Variants in EPS15 observed in about 807,000 individuals in gnomAD.
EPS15 encodes the protein epidermal growth factor receptor substrate 15.
Under a neutral mutation model 113.8 loss-of-function variants are expected in EPS15, and 72 were observed. The ratio of observed to expected loss-of-function variants is 0.63; its 90% CI spans 0.52 to 0.77. The LOEUF is 0.77. Among genes scored for constraint, EPS15 ranks in the 30% least tolerant of loss-of-function variants. The pLI is 0.00. For missense variants in EPS15, 1,048 were observed against 1,045.8 expected (o/e 1.00, Z -0.03); for synonymous variants, 344 against 363.4 (o/e 0.95, Z 0.61).
chr1:51,508,298 G>A lies in EPS15; in HGVS notation c.33+10901C>T, dbSNP rs59392239. Among the ~76,000 whole-genome samples the A allele has an allele frequency of 7.5e-3, 918 of 122,138 alleles. 18 individuals are homozygous for A. The highest frequency in any genetic ancestry group is 0.029 in the African/African-American group (832 of 28,784). The allele number at this position is 122,138 out of a possible 152,430, so 80.1% of individuals were successfully genotyped here. On this transcript the variant is annotated intron_variant, in intron 1 of 24. Transcript: ENST00000371733. ...AAAGAGAGAAAGAGAGAAAGAGAGA[G>A]AGAGAAAGAGAGAAAGAGAGAAAGA...
At chr1:51,518,945 G>T (rs1257745906) in intron 1 of EPS15, among the ~76,000 whole-genome samples, 4 of 151,394 alleles carry the variant, frequency 2.6e-5, no homozygotes, top group Non-Finnish European at 5.9e-5. Context: ...CGCGGAGGGC[G>T]GCGAGGGCCG....
intron 1 of EPS15, among the ~76,000 whole-genome samples, chr1:51,508,284 GAGAGAA>G (rs1644545403): frequency 1.4e-5 from 2 of 142,534 alleles, no homozygotes; most frequent in Non-Finnish European, 3.0e-5. Context: ...AAGAGAGAAA[GAGAGAA>G]AGAGAGAGAG....
chr1:51,431,236 TCTTA>T (rs1294698972), intron 12 of EPS15, among the ~76,000 whole-genome samples: 23 of 152,270 alleles, frequency 1.5e-4, no homozygotes, highest in Admixed American at 1.3e-3. Context: ...TAACTAATGT[TCTTA>T]CTTAGTTCTG....
intron 1 of EPS15, among the ~76,000 whole-genome samples, chr1:51,483,186 T>G (rs1432822969): frequency 6.6e-6 from 1 of 152,140 alleles, no homozygotes; most frequent in East Asian, 1.9e-4. Context: ...GTTATCAGGC[T>G]GACAGATCAC....
intron 2 of EPS15, among the ~76,000 whole-genome samples, chr1:51,478,801 G>A (rs1051396713): frequency 2.0e-5 from 3 of 152,166 alleles, no homozygotes; most frequent in Non-Finnish European, 4.4e-5. Flanking sequence ...TCTTCTGGCT[G>A]GTAGAGTTTC....
rs200731991 is a variant in EPS15 at position 51,493,528 on chromosome 1, T to TTAAATAAA, written c.34-12222_34-12215dup. Among the ~76,000 whole-genome samples, 768 of 133,428 alleles carry TTAAATAAA rather than the reference T, an allele frequency of 5.8e-3. 4 individuals are homozygous for TTAAATAAA. The highest frequency in any genetic ancestry group is 0.015 in the Middle Eastern group (4 of 274). The allele number at this position is 133,428 out of a possible 152,430, so 87.5% of individuals were successfully genotyped here. A position where few individuals can be genotyped will look rare whatever the true frequency, so the allele number is the denominator to read the frequency against. ...CGACAGAGCAAGACTCAGTCTCAAA[T>TTAAATAAA]TAAATAAATAAATAAATAAATAAAT... On this transcript the variant is annotated intron_variant, in intron 1 of 24. Transcript: ENST00000371733.
At chr1:51,511,057 T>G (rs1263148807) in intron 1 of EPS15, among the ~76,000 whole-genome samples, 1 of 151,440 alleles carries the variant, frequency 6.6e-6, no homozygotes, top group African/African-American at 2.4e-5. Flanking sequence ...TCCCAGCTAC[T>G]TGGGAGGCTG....
intron 2 of EPS15, among the ~76,000 whole-genome samples, chr1:51,476,533 C>T (rs556808290): frequency 6.6e-6 from 1 of 152,204 alleles, no homozygotes; most frequent in African/African-American, 2.4e-5. Flanking sequence ...TCTGTGGGAT[C>T]AGTGGTGATA....
At chr1:51,361,685 G>A (rs1646390136) in intron 23 of EPS15, among the ~76,000 whole-genome samples, 1 of 152,142 alleles carries the variant, frequency 6.6e-6, no homozygotes, top group Admixed American at 6.5e-5. Context: ...GAGACGAATG[G>A]ATTAAACAGA....
rs567913830 is a variant in EPS15, at chr1:51,368,791, C to T, written c.2120-2762G>A. Among the ~76,000 whole-genome samples the T allele has an allele frequency of 7.9e-5, 12 of 152,030 alleles. No individual in the cohort carries two copies. In the South Asian group the frequency reaches 8.3e-4, roughly 11 times the overall value. ...TCTTTCTTTGTATTTTTAGTAGAGA[C>T]GGGGTTTCACTATGTTGGCCAGGCT... On this transcript the variant is annotated intron_variant, in intron 21 of 24. Coordinates refer to ENST00000371733, the MANE Select transcript of EPS15 (RefSeq NM_001981.3).
chr1:51,479,582 T>A (rs1043358505), intron 2 of EPS15, among the ~76,000 whole-genome samples: 1 of 151,978 alleles, frequency 6.6e-6, no homozygotes, highest in Non-Finnish European at 1.5e-5. Context: ...TTTCTCCCCA[T>A]CAATAGTATC....
intron 12 of EPS15, among the ~76,000 whole-genome samples, chr1:51,428,597 C>T (rs748107410): frequency 5.3e-5 from 8 of 151,884 alleles, no homozygotes; most frequent in Non-Finnish European, 1.0e-4. Flanking sequence ...GAAGCTGAGG[C>T]GGATGGATCA....
At chr1:51,462,877 T>C in intron 7 of EPS15, among the ~76,000 whole-genome samples, 1 of 142,506 alleles carries the variant, frequency 7.0e-6, no homozygotes, top group South Asian at 2.3e-4. Flanking sequence ...CAGATTTTTT[T>C]TTTTTTTTTT....
At position 51,427,332 on chromosome 1, in the gene EPS15, A is replaced by G. The variant is rs146003083; in HGVS notation, c.1041-5474T>C. Among the ~76,000 whole-genome samples the G allele has an allele frequency of 1.3e-3, 202 of 152,332 alleles. 1 individual carries two copies. Among genetic ancestry groups the G allele is most frequent in the African/African-American group, 4.7e-3 (195 of 41,568 alleles). On this transcript the variant is annotated intron_variant, in intron 12 of 24. Coordinates refer to ENST00000371733, the MANE Select transcript of EPS15 (RefSeq NM_001981.3). Reference sequence around the variant, plus strand: ...AACTTATCTACTTACTCAATAACACATACTGAATCCTATTACATACTTGTC... The same window carrying G: ...AACTTATCTACTTACTCAATAACACGTACTGAATCCTATTACATACTTGTC...
At chr1:51,473,023 C>T in intron 2 of EPS15, 75 bp from the exon 3 acceptor site, 1 of 1,142,734 alleles carries the variant, frequency 8.8e-7, no homozygotes, top group South Asian at 1.3e-5. Context: ...TGCCTTCCAT[C>T]CCTGTGATTT....
rs564049273 is a variant in EPS15 at position 51,495,694 on chromosome 1, A to C, written c.34-14380T>G. ...CAGCAAAGAATTTGGCAAAAAAAAAACCTCTCCTTAATTATTTAAACAATA... is the reference window on the plus strand; with the variant it reads ...CAGCAAAGAATTTGGCAAAAAAAAACCCTCTCCTTAATTATTTAAACAATA... On this transcript the variant is annotated intron_variant, in intron 1 of 24. Transcript: ENST00000371733. Among the ~76,000 whole-genome samples, 15 of 152,054 alleles carry C rather than the reference A, an allele frequency of 9.9e-5. No individual in the cohort carries two copies. The East Asian group carries it at 2.1e-3, about 22-fold the overall frequency.
intron 8 of EPS15, chr1:51,457,579 T>C (rs1654110273): frequency 6.7e-6 from 1 of 149,318 alleles, no homozygotes. Flanking sequence ...GGGACCCAAG[T>C]CTAAACATGA....
At chr1:51,478,198 C>G (rs1467592827) in intron 2 of EPS15, among the ~76,000 whole-genome samples, 1 of 152,054 alleles carries the variant, frequency 6.6e-6, no homozygotes. Context: ...GATCCCTTTA[C>G]CATTATGTAA....
chr1:51,492,151 C>A lies in EPS15; in HGVS notation c.34-10837G>T, dbSNP rs568711427. On this transcript the variant is annotated intron_variant, in intron 1 of 24. Coordinates refer to ENST00000371733, the MANE Select transcript of EPS15 (RefSeq NM_001981.3). ...GGCATGAGCCGCTGTGCCTGGCCCTCATTTAATAATTTAATAGACATAAAC... is the reference window on the plus strand; with the variant it reads ...GGCATGAGCCGCTGTGCCTGGCCCTAATTTAATAATTTAATAGACATAAAC... 2.0e-5 allele frequency among the ~76,000 whole-genome samples: 3 copies of A among 152,106 alleles called. No individual in the cohort carries two copies. In the East Asian group the frequency reaches 5.8e-4, roughly 30 times the overall value.
Sources: allele counts gnomAD v4.1 joint callset (sites outside exome capture counted in the v4.1 genomes callset), GRCh38; gene constraint gnomAD v4.1.1; transcripts MANE v1.5; gene names NCBI Gene and HGNC (gene_info 2026-07-23, HGNC 2026-07-21).